KLHL33: variants seen among roughly 807,000 people sequenced by gnomAD.
KLHL33 encodes kelch like family member 33.
KLHL33 carries 46 observed loss-of-function variants against 60.8 expected under a neutral mutation model. The observed-to-expected ratio is 0.76, with a 90% CI of 0.60 to 0.97. KLHL33 has a LOEUF of 0.97. KLHL33 is among the 50% of genes least tolerant of loss of function. KLHL33 has a pLI of 0.00. For synonymous variants in KLHL33, 434 were observed against 432.2 expected (o/e 1.00, Z -0.05); for missense variants, 1,055 against 1,000.0 (o/e 1.05, Z -0.74).
chr14:20,430,555 G>C lies in KLHL33; in HGVS notation c.913C>G (p.Pro305Ala). Residue 305 changes from proline to alanine, a missense_variant, in exon 3 of 5, where the codon CCA becomes GCA. By Grantham distance (27) the Pro-to-Ala change is conservative. Coordinates refer to ENST00000636854, the MANE Select transcript of KLHL33 (RefSeq NM_001365790.2). Reference sequence around the variant, plus strand: ...GCCTGGGCAGCTCTCAGTAGCCCTGGCCACCTTGCCCGCACAACTCCGGAG... The same window carrying C: ...GCCTGGGCAGCTCTCAGTAGCCCTGCCCACCTTGCCCGCACAACTCCGGAG... ...AYSGVVRARW[P>A]GLLRAAQAAL... 2 of 1,541,000 alleles carry C rather than the reference G, an allele frequency of 1.3e-6. No homozygotes were observed. The highest frequency in any genetic ancestry group is 2.4e-5 in the East Asian group (1 of 40,910).
chr14:20,429,095 G>T lies in KLHL33; in HGVS notation c.2148C>A (p.Pro716=). 1 of 1,551,712 alleles carries T rather than the reference G, an allele frequency of 6.4e-7. No homozygotes were observed. The highest frequency in any genetic ancestry group is 1.2e-5 in the South Asian group (1 of 84,064). ...CACTTGCAGCCCCCACATGGGGGGA[G>T]GGTAGGGGTGCCAGGTGAGTCCAGC... The part of the protein sequence containing the change: ...TDSWTHLAPL[P]SPHVGAASAV... Residue 716 remains proline (P), a synonymous_variant, in exon 5 of 5, where the codon CCC becomes CCA. Transcript: ENST00000636854.
chr14:20,429,247 T>C lies in KLHL33; in HGVS notation c.1996A>G (p.Ser666Gly), dbSNP rs901003146. Residue 666 changes from serine (S) to glycine (G), a missense_variant, in exon 5 of 5, where the codon AGC becomes GGC. Physicochemically the swap from Ser to Gly is moderately conservative, Grantham distance 56. Transcript: ENST00000636854. ...CCAGCCCGAGGTACCCCCATAGGGCTCAGAAACGTCCCTGGCTTCTCAAGT... is the reference window on the plus strand; with the variant it reads ...CCAGCCCGAGGTACCCCCATAGGGCCCAGAAACGTCCCTGGCTTCTCAAGT... Reference protein sequence around the residue: ...PKLEKPGTFLSPMGVPRAGHV... With the variant: ...PKLEKPGTFLGPMGVPRAGHV... 49 of 1,551,532 alleles carry C rather than the reference T, an allele frequency of 3.2e-5. No homozygotes were observed. The Admixed American group carries it at 9.6e-4, about 30-fold the overall frequency.
In KLHL33 at chr14:20,430,636, C is replaced by G. The variant is rs919143498; in HGVS notation, c.832G>C (p.Val278Leu). The change falls in exon 3 of 5, where the codon GTA becomes CTA. Residue 278 changes from valine (V) to leucine (L), a missense_variant. By Grantham distance (32) the Val-to-Leu change is conservative. Transcript: ENST00000636854. ...SGMRESQGTE[V>L]SLRTISTQDL... ...TGGGTGGAGATCGTCCGCAGAGATACCTCTGTGCCCTGGGATTCCCTCATC... is the reference window on the plus strand; with the variant it reads ...TGGGTGGAGATCGTCCGCAGAGATAGCTCTGTGCCCTGGGATTCCCTCATC... 2.1e-5 allele frequency: 32 copies of G among 1,535,280 alleles called. No homozygotes were observed. The highest frequency in any genetic ancestry group is 2.8e-5 in the Non-Finnish European group (32 of 1,146,660).
Position 20,430,551 on chromosome 14 carries a change from C to G in KLHL33, c.917G>C (p.Gly306Ala). ...YSGVVRARWP[G>A]LLRAAQAALQ... ...AGCAGCCTGGGCAGCTCTCAGTAGC[C>G]CTGGCCACCTTGCCCGCACAACTCC... The change falls in exon 3 of 5, where the codon GGG (glycine) becomes GCG (alanine). Residue 306 changes from glycine (G) to alanine (A), a missense_variant. Transcript: ENST00000636854. The G allele has an allele frequency of 1.3e-6, 2 of 1,541,620 alleles. No individual in the cohort carries two copies. The highest frequency in any genetic ancestry group is 1.7e-6 in the Non-Finnish European group (2 of 1,147,000).
In KLHL33 at chr14:20,435,182, A is replaced by G. The variant is rs902198854; in HGVS notation, c.630T>C (p.Asp210=). 5 of 1,234,300 alleles carry G rather than the reference A, an allele frequency of 4.1e-6. No individual in the cohort carries two copies. Among genetic ancestry groups the G allele is most frequent in the Non-Finnish European group, 5.1e-6 (5 of 988,142 alleles). 76.5% of individuals were successfully genotyped at this position (1,234,300 alleles called of 1,614,324 possible). The change falls in exon 2 of 5, where the codon GAT becomes GAC. Residue 210 remains aspartate, a synonymous_variant. Transcript: ENST00000636854. ...TCERAGNARE[D]VKKPSQAEEL... is the part of the protein sequence containing the mutation. ...CCTCTGCCTGGCTGGGCTTCTTTAC[A>G]TCTTCCCTGGCATTTCCAGCCCTCT...
chr14:20,435,831 C>T lies in KLHL33; in HGVS notation c.-19-1G>A. The T allele has an allele frequency of 2.4e-6, 3 of 1,233,890 alleles. No individual in the cohort carries two copies. The highest frequency in any genetic ancestry group is 4.2e-5 in the Admixed American group (1 of 23,732). The allele number at this position is 1,233,890 out of a possible 1,614,324, so 76.4% of individuals were successfully genotyped here. A position where few individuals can be genotyped will look rare whatever the true frequency, so the allele number is the denominator to read the frequency against. On this transcript the variant is annotated splice_acceptor_variant, in intron 1 of 4. Coordinates refer to ENST00000636854, the MANE Select transcript of KLHL33 (RefSeq NM_001365790.2). LOFTEE classifies it low-confidence loss of function (5UTR_SPLICE). ...GCTCATGCCGAGGTTTGCTGGATAGCTGCAGGTGAGCAGAGGCAAGACAGC... is the reference window on the plus strand; with the variant it reads ...GCTCATGCCGAGGTTTGCTGGATAGTTGCAGGTGAGCAGAGGCAAGACAGC...
Position 20,427,467 on chromosome 14 carries a change from G to T in KLHL33, c.*1382C>A, listed in dbSNP as rs758241828. ...CTTCCTCTTTGCTATGGAGAAACAGGGCATGGCATGCCCCACTTCTTTCTG... is the reference window on the plus strand; with the variant it reads ...CTTCCTCTTTGCTATGGAGAAACAGTGCATGGCATGCCCCACTTCTTTCTG... On this transcript the variant is annotated 3_prime_UTR_variant, in exon 5 of 5. Coordinates refer to ENST00000636854, the MANE Select transcript of KLHL33 (RefSeq NM_001365790.2). 4 of 152,292 alleles carry T rather than the reference G, an allele frequency of 2.6e-5. No homozygotes were observed. The highest frequency in any genetic ancestry group is 2.1e-4 in the South Asian group (1 of 4,820). The allele number at this position is 152,292 out of a possible 1,614,324, so 9.4% of individuals were successfully genotyped here. A position where few individuals can be genotyped will look rare whatever the true frequency, so the allele number is the denominator to read the frequency against.
rs774326348 is a variant in KLHL33 at position 20,430,159 on chromosome 14, G to T, written c.1309C>A (p.Arg437=). The T allele has an allele frequency of 3.2e-6, 5 of 1,551,316 alleles. No homozygotes were observed. The African/African-American group carries it at 5.5e-5, about 17-fold the overall frequency. ...RFGRMSTREL[R]RVRAAGLLPP... is the part of the protein sequence containing the mutation. Reference sequence around the variant, plus strand: ...AGTAGCCCGGCTGCCCGCACCCTCCGCAACTCCCTGGTGGACATGCGGCCA... The same window carrying T: ...AGTAGCCCGGCTGCCCGCACCCTCCTCAACTCCCTGGTGGACATGCGGCCA... Residue 437 remains arginine (R), a synonymous_variant, in exon 3 of 5, where the codon CGG becomes AGG. Transcript: ENST00000636854.
rs1880649972 is a variant in KLHL33, at chr14:20,435,277, C to T, written c.535G>A (p.Gly179Arg). ...GCCTCTGCTGCGGCCAGCACATCCCCCTGCGAGGCGGGGCCCAGCACCCCC... is the reference window on the plus strand; with the variant it reads ...GCCTCTGCTGCGGCCAGCACATCCCTCTGCGAGGCGGGGCCCAGCACCCCC... ...YEGVLGPASQ[G>R]DVLAAAEALG... The change falls in exon 2 of 5, where the codon GGG (glycine) becomes AGG (arginine). Residue 179 changes from glycine to arginine, a missense_variant. By Grantham distance (125) the Gly-to-Arg change is moderately radical (BLOSUM62 -2). Coordinates refer to ENST00000636854, the MANE Select transcript of KLHL33 (RefSeq NM_001365790.2). 18 of 1,234,296 alleles carry T rather than the reference C, an allele frequency of 1.5e-5. No homozygotes were observed. In the East Asian group the frequency reaches 5.4e-4, roughly 37 times the overall value. The allele number at this position is 1,234,296 out of a possible 1,614,324, so 76.5% of individuals were successfully genotyped here.
intron 2 of KLHL33, among the ~76,000 whole-genome samples, chr14:20,433,290 G>A (rs1038071141): frequency 2.0e-5 from 3 of 152,150 alleles, no homozygotes; most frequent in African/African-American, 7.2e-5. Context: ...TAAAAAGGTG[G>A]GGGGTAATGC....
rs1301996146 is a variant in KLHL33, at chr14:20,428,332, G to T, written c.*517C>A. On this transcript the variant is annotated 3_prime_UTR_variant, in exon 5 of 5. Transcript: ENST00000636854. ...CAGGCCTACAAAGTTACCCGGGAGA[G>T]AATATTGTTAAGAAGGTTTAGGCAT... The T allele has an allele frequency of 6.5e-6, 1 of 153,460 alleles. No homozygotes were observed. The highest frequency in any genetic ancestry group is 1.5e-5 in the Non-Finnish European group (1 of 68,950). 9.5% of individuals were successfully genotyped at this position (153,460 alleles called of 1,614,324 possible). A position where few individuals can be genotyped will look rare whatever the true frequency, so the allele number is the denominator to read the frequency against.
At position 20,435,720 on chromosome 14, in the gene KLHL33, G is replaced by A. The variant is rs1880674464; in HGVS notation, c.92C>T (p.Ala31Val). 2.0e-5 allele frequency: 25 copies of A among 1,234,820 alleles called. No individual in the cohort carries two copies. Among genetic ancestry groups the A allele is most frequent in the Non-Finnish European group, 2.4e-5 (24 of 988,498 alleles). 76.5% of individuals were successfully genotyped at this position (1,234,820 alleles called of 1,614,324 possible). A position where few individuals can be genotyped will look rare whatever the true frequency, so the allele number is the denominator to read the frequency against. ...GGGAGGCCAGGAAGGGGTTCTCTGG[G>A]CGTGCACAAGGAGTCCAAGGCAGTC... ...QRDCLGLLVHAQRTPSWPPSP... is the reference protein window; with the variant it reads ...QRDCLGLLVHVQRTPSWPPSP... Residue 31 changes from alanine to valine, a missense_variant, in exon 2 of 5, where the codon GCC becomes GTC. Coordinates refer to ENST00000636854, the MANE Select transcript of KLHL33 (RefSeq NM_001365790.2).
In KLHL33 at chr14:20,435,450, C is replaced by A; in HGVS notation, c.362G>T (p.Gly121Val). The change falls in exon 2 of 5, where the codon GGG (glycine) becomes GTG (valine). Residue 121 changes from glycine to valine, a missense_variant. Physicochemically the swap from Gly to Val is moderately radical, Grantham distance 109. Transcript: ENST00000636854. ...CACCCGATGCACCCCGTATACCCGC[C>A]CCGCGACTGACACCTCTTCGTCCAG... is the stretch of plus-strand genomic sequence containing the variant. ...LLLDEEVSVA[G>V]RVYGVHRVIL... 1 of 1,234,484 alleles carries A rather than the reference C, an allele frequency of 8.1e-7. No individual in the cohort carries two copies. The highest frequency in any genetic ancestry group is 1.0e-6 in the Non-Finnish European group (1 of 988,230). 76.5% of individuals were successfully genotyped at this position (1,234,484 alleles called of 1,614,324 possible).
chr14:20,429,662 G>C lies in KLHL33; in HGVS notation c.1681C>G (p.Pro561Ala). 1 of 1,551,576 alleles carries C rather than the reference G, an allele frequency of 6.4e-7. No individual in the cohort carries two copies. The highest frequency in any genetic ancestry group is 8.7e-7 in the Non-Finnish European group (1 of 1,146,880). Residue 561 changes from proline to alanine, a missense_variant, in exon 4 of 5, where the codon CCC becomes GCC. Transcript: ENST00000636854. The part of the protein sequence containing the change: ...NTLASTLRWE[P>A]SQEDWEEMAP... ...ATCTCCTCCCAGTCCTCTTGACTGGGCTCCCACCTGGACACAGTAGGACAA... is the reference window on the plus strand; with the variant it reads ...ATCTCCTCCCAGTCCTCTTGACTGGCCTCCCACCTGGACACAGTAGGACAA...
Position 20,429,935 on chromosome 14 carries a change from A to C in KLHL33, c.1533T>G (p.Thr511=). The C allele has an allele frequency of 6.4e-7, 1 of 1,551,710 alleles. No individual in the cohort carries two copies. Among genetic ancestry groups the C allele is most frequent in the South Asian group, 1.2e-5 (1 of 84,062 alleles). Residue 511 remains threonine, a synonymous_variant, in exon 3 of 5, where the codon ACT becomes ACG. Transcript: ENST00000636854. ...GGGCAGGCAGCTGCCCCCACTCAAC[A>C]GTTCGTACCAGTCCCACGCCACAGC... ...AFRCGVGLVR[T]VEWGQLPALP...
chr14:20,430,734 A>G lies in KLHL33; in HGVS notation c.749-15T>C. 1 of 1,486,036 alleles carries G rather than the reference A, an allele frequency of 6.7e-7. No individual in the cohort carries two copies. The highest frequency in any genetic ancestry group is 1.3e-5 in the South Asian group (1 of 76,828). The allele number at this position is 1,486,036 out of a possible 1,614,324, so 92.1% of individuals were successfully genotyped here. ...GGCTCGGTGCACTGCAGGAGGGGAG[A>G]AGGAATAGAGGAGGACTCAAAGTAT... On this transcript the variant is annotated splice_polypyrimidine_tract_variant and intron_variant, in intron 2 of 4. Coordinates refer to ENST00000636854, the MANE Select transcript of KLHL33 (RefSeq NM_001365790.2).
intron 2 of KLHL33, among the ~76,000 whole-genome samples, chr14:20,433,778 C>T (rs768384148): frequency 3.3e-5 from 5 of 152,162 alleles, no homozygotes; most frequent in Admixed American, 6.5e-5. Flanking sequence ...CCATCTAGTG[C>T]TATCATAAAT....
In KLHL33 at chr14:20,430,193, A is replaced by C. The variant is rs561745125; in HGVS notation, c.1275T>G (p.Cys425Trp). 82 of 1,551,558 alleles carry C rather than the reference A, an allele frequency of 5.3e-5. No homozygotes were observed. Among genetic ancestry groups the C allele is most frequent in the Middle Eastern group, 3.3e-4 (2 of 5,992 alleles). ...QESEAKALLR[C>W]VRFGRMSTRE... ...TGGTGGACATGCGGCCAAAGCGGACACATCGCAGCAGGGCCTTGGCCTCTG... is the reference window on the plus strand; with the variant it reads ...TGGTGGACATGCGGCCAAAGCGGACCCATCGCAGCAGGGCCTTGGCCTCTG... Residue 425 changes from cysteine to tryptophan, a missense_variant, in exon 3 of 5, where the codon TGT (cysteine) becomes TGG (tryptophan). Coordinates refer to ENST00000636854, the MANE Select transcript of KLHL33 (RefSeq NM_001365790.2).
At position 20,435,794 on chromosome 14, in the gene KLHL33, G is replaced by C. The variant is rs1232338731; in HGVS notation, c.18C>G (p.Thr6=). 1 of 1,234,658 alleles carries C rather than the reference G, an allele frequency of 8.1e-7. No homozygotes were observed. Among genetic ancestry groups the C allele is most frequent in the Non-Finnish European group, 1.0e-6 (1 of 988,466 alleles). The allele number at this position is 1,234,658 out of a possible 1,614,324, so 76.5% of individuals were successfully genotyped here. Residue 6 remains threonine (T), a synonymous_variant, in exon 2 of 5, where the codon ACC becomes ACG. Transcript: ENST00000636854. MSVSD[T]PHYPPELESV... The stretch of plus-strand genomic sequence containing the variant: ...TCTCCAGCTCAGGGGGATAATGTGG[G>C]GTGTCCGAGACGCTCATGCCGAGGT...
Sources: allele counts gnomAD v4.1 joint callset (sites outside exome capture counted in the v4.1 genomes callset), GRCh38; gene constraint gnomAD v4.1.1; transcripts MANE v1.5; gene names NCBI Gene and HGNC (gene_info 2026-07-23, HGNC 2026-07-21).